The following GPATCH2 variants were observed in gnomAD, a reference collection of about 807,000 sequenced individuals.
The protein encoded by GPATCH2 is G-patch domain containing 2, also known as G patch domain-containing protein 2.
GPATCH2 carries 51 observed loss-of-function variants against 58.0 expected under a neutral mutation model. The ratio of observed to expected loss-of-function variants is 0.88; its 90% CI spans 0.70 to 1.11. The LOEUF is 1.11. GPATCH2 is among the 50% of genes most tolerant of loss of function. The probability of loss-of-function intolerance (pLI) is 0.00; values close to 1 mark genes in which losing one functional copy is unlikely to be tolerated. For missense variants in GPATCH2, 625 were observed against 652.2 expected, an observed-to-expected ratio of 0.96 and a Z score of 0.45; for synonymous variants, 222 against 218.5, an observed-to-expected ratio of 1.02 and a Z score of -0.14.
chr1:217,616,604 C>T (rs1421855605), intron 2 of GPATCH2, among the ~76,000 whole-genome samples: 3 of 152,082 alleles, frequency 2.0e-5, no homozygotes, highest in African/African-American at 4.8e-5. Flanking sequence ...AGAGTTGTTC[C>T]GTGTACATTA....
chr1:217,486,125 C>A (rs188981996), intron 8 of GPATCH2, among the ~76,000 whole-genome samples: 8 of 152,080 alleles, frequency 5.3e-5, no homozygotes, highest in African/African-American at 1.9e-4. Context: ...TGAAGAAAAC[C>A]GATCTTAAGA....
chr1:217,505,447 T>C (rs1662504523), intron 6 of GPATCH2, among the ~76,000 whole-genome samples: 1 of 151,992 alleles, frequency 6.6e-6, no homozygotes, highest in Non-Finnish European at 1.5e-5. Flanking sequence ...AGATGCAGAG[T>C]TCCACACTAA....
rs921503118 is a variant in GPATCH2, at chr1:217,430,899, C to T, written c.*246G>A. ...AAATAAATAAGAGAAACGAGCTGCTCTTTATACCTAGAAATAGCTGGAAAT... is the reference window on the plus strand; with the variant it reads ...AAATAAATAAGAGAAACGAGCTGCTTTTTATACCTAGAAATAGCTGGAAAT... On this transcript the variant is annotated 3_prime_UTR_variant, in exon 10 of 10. Coordinates refer to ENST00000366935, the MANE Select transcript of GPATCH2 (RefSeq NM_018040.5). The T allele has an allele frequency of 3.9e-5, 21 of 540,060 alleles. No individual in the cohort carries two copies. Among genetic ancestry groups the T allele is most frequent in the Non-Finnish European group, 3.9e-5 (12 of 303,984 alleles). 33.5% of individuals were successfully genotyped at this position (540,060 alleles called of 1,614,324 possible). A position where few individuals can be genotyped will look rare whatever the true frequency, so the allele number is the denominator to read the frequency against.
chr1:217,571,300 T>C (rs913387177), intron 5 of GPATCH2, among the ~76,000 whole-genome samples: 15 of 152,198 alleles, frequency 9.9e-5, no homozygotes, highest in African/African-American at 3.6e-4. Flanking sequence ...CATAAGTTTG[T>C]GTAAATTGAG....
intron 6 of GPATCH2, among the ~76,000 whole-genome samples, chr1:217,511,034 T>A (rs1234623121): frequency 1.3e-5 from 2 of 152,102 alleles, no homozygotes; most frequent in Non-Finnish European, 2.9e-5. Context: ...GAGGCAGAGG[T>A]TGCAGTGAGC....
intron 5 of GPATCH2, chr1:217,610,117 A>G (rs1372192017): frequency 1.9e-6 from 3 of 1,546,242 alleles, no homozygotes; most frequent in East Asian, 2.5e-5. Context: ...CATTCCCCAG[A>G]TGTTCAAAAC....
chr1:217,481,803 A>G (rs1301978419), intron 8 of GPATCH2, among the ~76,000 whole-genome samples: 1 of 152,066 alleles, frequency 6.6e-6, no homozygotes, highest in African/African-American at 2.4e-5. Context: ...ACTACATATG[A>G]TGAGCTATGA....
At chr1:217,435,749 G>A (rs544277736) in intron 9 of GPATCH2, among the ~76,000 whole-genome samples, 7 of 152,228 alleles carry the variant, frequency 4.6e-5, no homozygotes, top group South Asian at 2.1e-4. Flanking sequence ...TTAGGGACAT[G>A]GATTTTTGAT....
chr1:217,499,977 A>C (rs1032666440), intron 6 of GPATCH2, among the ~76,000 whole-genome samples: 1 of 152,076 alleles, frequency 6.6e-6, no homozygotes, highest in African/African-American at 2.4e-5. Flanking sequence ...TGAAGTACTG[A>C]CTTTCTATTG....
intron 8 of GPATCH2, among the ~76,000 whole-genome samples, chr1:217,469,476 T>G (rs1660622794): frequency 6.6e-6 from 1 of 152,116 alleles, no homozygotes; most frequent in South Asian, 2.1e-4. Flanking sequence ...AAAACAATTA[T>G]TTCTACAAAA....
At chr1:217,584,364 T>TATATATATACACACAC (rs1226981154) in intron 5 of GPATCH2, among the ~76,000 whole-genome samples, 2 of 121,556 alleles carry the variant, frequency 1.6e-5, no homozygotes, top group Admixed American at 9.7e-5. Flanking sequence ...TATATATATA[T>TATATATATACACACAC]ACACACACAC....
chr1:217,518,705 T>C (rs940121631), intron 5 of GPATCH2, among the ~76,000 whole-genome samples: 4 of 152,222 alleles, frequency 2.6e-5, no homozygotes, highest in Non-Finnish European at 4.4e-5. Context: ...GAAGTTTCTT[T>C]TCATGTCCAC....
chr1:217,601,163 C>T (rs911907790), intron 5 of GPATCH2, among the ~76,000 whole-genome samples: 17 of 151,896 alleles, frequency 1.1e-4, no homozygotes, highest in Admixed American at 9.8e-4. Flanking sequence ...ACCTCTGTAG[C>T]GAAGTTCTTA....
chr1:217,616,878 C>T (rs1219220673), intron 2 of GPATCH2, among the ~76,000 whole-genome samples: 1 of 152,132 alleles, frequency 6.6e-6, no homozygotes, highest in Non-Finnish European at 1.5e-5. Flanking sequence ...TCCTCTTTCT[C>T]ATTCATCCTC....
intron 5 of GPATCH2, among the ~76,000 whole-genome samples, chr1:217,585,713 T>C (rs942857238): frequency 2.6e-5 from 4 of 152,164 alleles, no homozygotes; most frequent in Non-Finnish European, 4.4e-5. Flanking sequence ...TGCTTAGAGA[T>C]TGCACAAATA....
At chr1:217,466,541 A>G (rs551461981) in intron 8 of GPATCH2, among the ~76,000 whole-genome samples, 1 of 152,188 alleles carries the variant, frequency 6.6e-6, no homozygotes, top group African/African-American at 2.4e-5. Context: ...GGATGACAAT[A>G]AAAAGTATAT....
At chr1:217,473,380 AC>A (rs375415177) in intron 8 of GPATCH2, among the ~76,000 whole-genome samples, 131 of 151,854 alleles carry the variant, frequency 8.6e-4, no homozygotes, top group African/African-American at 3.1e-3. Flanking sequence ...CCTGTTGATT[AC>A]TAAATATTGA....
chr1:217,526,454 A>T (rs1400003017), intron 5 of GPATCH2, among the ~76,000 whole-genome samples: 1 of 152,234 alleles, frequency 6.6e-6, no homozygotes, highest in East Asian at 1.9e-4. Context: ...AAAGTACAAC[A>T]TATTGCAAAC....
chr1:217,573,016 C>G (rs910533398), intron 5 of GPATCH2, among the ~76,000 whole-genome samples: 2 of 152,140 alleles, frequency 1.3e-5, no homozygotes, highest in African/African-American at 4.8e-5. Flanking sequence ...ATTAGAAGTG[C>G]AAGAAGAAAG....
Sources: gnomAD v4.1 joint callset for allele counts (sites outside exome capture counted in the v4.1 genomes callset) on GRCh38, gnomAD v4.1.1 for gene constraint, MANE v1.5 for transcripts, NCBI Gene and HGNC (gene_info 2026-07-23, HGNC 2026-07-21) for gene names.